Variants in RTRAF observed in about 807,000 individuals in gnomAD.
RTRAF encodes the protein RNA transcription, translation and transport factor, also known as tRNA-splicing ligase complex subunit RTRAF.
RTRAF carries 14 observed loss-of-function variants against 34.4 expected under a neutral mutation model. The observed-to-expected ratio is 0.41, with a 90% CI of 0.27 to 0.64. The LOEUF (loss-of-function observed/expected upper bound fraction) is 0.64. Ranked by LOEUF, RTRAF falls within the 30% of genes least tolerant of loss-of-function variation. RTRAF has a pLI of 0.34. For synonymous variants in RTRAF, 96 were observed against 95.3 expected (o/e 1.01, Z -0.04); for missense variants, 291 against 288.4 (o/e 1.01, Z -0.06).
At position 52,004,190 on chromosome 14, in the gene RTRAF, A is replaced by G; in HGVS notation, c.532-4A>G. On this transcript the variant is annotated splice_region_variant and splice_polypyrimidine_tract_variant and intron_variant, in intron 6 of 7. Coordinates refer to ENST00000261700, the MANE Select transcript of RTRAF (RefSeq NM_016039.3). ...ACTCTCATTTTGTCTTTCTTTTTTT[A>G]AAGGGCTTACCTGTTGCTTTAGACA... 1 of 1,608,500 alleles carries G rather than the reference A, an allele frequency of 6.2e-7. No homozygotes were observed. Among genetic ancestry groups the G allele is most frequent in the South Asian group, 1.1e-5 (1 of 89,964 alleles).
chr14:51,993,681 GTAA>G (rs763675664), intron 2 of RTRAF, 39 bp from the exon 3 acceptor site: 26 of 1,188,612 alleles, frequency 2.2e-5, no homozygotes, highest in Non-Finnish European at 2.8e-5. Context: ...TGACTTTATG[GTAA>G]TAATGAAACT....
At position 52,006,726 on chromosome 14, in the gene RTRAF, G is replaced by GAT. The variant is rs1890799758; in HGVS notation, c.*2212_*2213dup. Reference sequence around the variant, plus strand: ...TTGCCAAAAATGATAGTGACATAGTGATAGTGACACAGTGATAGAATGGGG... The same window carrying GAT: ...TTGCCAAAAATGATAGTGACATAGTGATATAGTGACACAGTGATAGAATGGGG... On this transcript the variant is annotated 3_prime_UTR_variant, in exon 8 of 8. Transcript: ENST00000261700. 1 of 1,545,856 alleles carries GAT rather than the reference G, an allele frequency of 6.5e-7. No individual in the cohort carries two copies. Among genetic ancestry groups the GAT allele is most frequent in the South Asian group, 1.1e-5 (1 of 88,356 alleles).
At chr14:51,997,674 T>G (rs1890541235) in intron 3 of RTRAF, among the ~76,000 whole-genome samples, 1 of 151,914 alleles carries the variant, frequency 6.6e-6, no homozygotes, top group East Asian at 1.9e-4. Flanking sequence ...ATTTCAAGTT[T>G]CCATGAAATA....
chr14:52,001,871 G>T lies in RTRAF; in HGVS notation c.531+5G>T, dbSNP rs762723183. ...AAGGCAAATCAAACAAAAGAGGTACGTTTCTATAAATCCTAAATAAGTTGT... is the reference window on the plus strand; with the variant it reads ...AAGGCAAATCAAACAAAAGAGGTACTTTTCTATAAATCCTAAATAAGTTGT... On this transcript the variant is annotated splice_donor_5th_base_variant and intron_variant, in intron 6 of 7. Transcript: ENST00000261700. The T allele has an allele frequency of 1.2e-6, 2 of 1,605,552 alleles. No homozygotes were observed. The highest frequency in any genetic ancestry group is 1.3e-5 in the African/African-American group (1 of 74,248).
intron 3 of RTRAF, 34 bp from the exon 4 acceptor site, chr14:51,998,460 G>A: frequency 7.6e-7 from 1 of 1,322,336 alleles, no homozygotes; most frequent in Non-Finnish European, 1.1e-6. Flanking sequence ...TTGAGTTGCA[G>A]TTGTACAAAT....
intron 3 of RTRAF, among the ~76,000 whole-genome samples, chr14:51,996,845 A>G (rs1259819820): frequency 1.3e-5 from 2 of 152,050 alleles, no homozygotes; most frequent in Non-Finnish European, 2.9e-5. Flanking sequence ...TGGATTATGC[A>G]CCGCATTAGT....
chr14:51,989,769 AC>A, intron 1 of RTRAF, 69 bp downstream of exon 1: 2 of 1,461,986 alleles, frequency 1.4e-6, no homozygotes, highest in African/African-American at 1.4e-5. Flanking sequence ...CAGTGCCCGC[AC>A]CCCACCTCCC....
In RTRAF at chr14:52,005,818, C is replaced by T. The variant is rs780000422; in HGVS notation, c.*1302C>T. ...GGGAGATACTCATCAGTAAACTGGC[C>T]ACTATGTTTATTTACTGATACAACA... On this transcript the variant is annotated 3_prime_UTR_variant, in exon 8 of 8. Coordinates refer to ENST00000261700, the MANE Select transcript of RTRAF (RefSeq NM_016039.3). 36 of 1,613,350 alleles carry T rather than the reference C, an allele frequency of 2.2e-5. No homozygotes were observed. Among genetic ancestry groups the T allele is most frequent in the Non-Finnish European group, 8.5e-7 (1 of 1,179,486 alleles).
chr14:51,992,540 T>C (rs1387151587), intron 2 of RTRAF, among the ~76,000 whole-genome samples: 1 of 152,238 alleles, frequency 6.6e-6, no homozygotes, highest in Non-Finnish European at 1.5e-5. Context: ...TGCCAATGCC[T>C]CTATACTACT....
intron 5 of RTRAF, 158 bp downstream of exon 5, chr14:51,999,954 T>G: frequency 1.8e-6 from 1 of 561,954 alleles, no homozygotes. Flanking sequence ...TTATCTGATT[T>G]GGATTCTGTT....
Position 52,008,413 on chromosome 14 carries a change from G to A in RTRAF, c.*3897G>A, listed in dbSNP as rs1890877848. 2.0e-5 allele frequency: 3 copies of A among 153,840 alleles called. No individual in the cohort carries two copies. Among genetic ancestry groups the A allele is most frequent in the Non-Finnish European group, 4.3e-5 (3 of 69,198 alleles). 9.5% of individuals were successfully genotyped at this position (153,840 alleles called of 1,614,324 possible). ...CCATTACCTGATTGCAGCCTTGTGA[G>A]AGACTCCATGCCTGAGGGAGCTCGG... On this transcript the variant is annotated 3_prime_UTR_variant, in exon 8 of 8. Transcript: ENST00000261700.
rs1890934409 is a variant in RTRAF, at chr14:52,009,742, TC to T, written c.*5229del. ...CGGGCGCAGTGGCTCATACCTATAA[TC>T]CCAGCACTTTGGGAGGCCAAGGCAG... On this transcript the variant is annotated 3_prime_UTR_variant, in exon 8 of 8. Transcript: ENST00000261700. 6.6e-6 allele frequency: 1 copy of T among 152,208 alleles called. No homozygotes were observed. The highest frequency in any genetic ancestry group is 2.1e-4 in the South Asian group (1 of 4,824). 9.4% of individuals were successfully genotyped at this position (152,208 alleles called of 1,614,324 possible). A position where few individuals can be genotyped will look rare whatever the true frequency, so the allele number is the denominator to read the frequency against.
rs1333615133 is a variant in RTRAF, at chr14:52,004,228, GT to G, written c.570del (p.Phe190LeufsTer20). ...GTTGCTTTAGACAAACATATTCTTG[GT>G]TTTGACACAGGAGGTAAGTGATTTT... is the stretch of plus-strand genomic sequence containing the variant. The part of the protein sequence containing the change: ...LPVALDKHIL[G>X]FDTGDAVLNE... On this transcript the variant is annotated frameshift_variant, in exon 7 of 8. Transcript: ENST00000261700. LOFTEE classifies it high-confidence loss of function. The G allele has an allele frequency of 6.2e-7, 1 of 1,613,276 alleles. No individual in the cohort carries two copies. The highest frequency in any genetic ancestry group is 8.5e-7 in the Non-Finnish European group (1 of 1,179,592).
At chr14:52,002,271 T>C (rs760737888) in intron 6 of RTRAF, among the ~76,000 whole-genome samples, 1 of 152,254 alleles carries the variant, frequency 6.6e-6, no homozygotes, top group Non-Finnish European at 1.5e-5. Context: ...CTTGCTCTTA[T>C]TTCTTCAGAG....
chr14:52,006,746 A>G lies in RTRAF; in HGVS notation c.*2230A>G, dbSNP rs1890800594. On this transcript the variant is annotated 3_prime_UTR_variant, in exon 8 of 8. Transcript: ENST00000261700. Reference sequence around the variant, plus strand: ...ATAGTGATAGTGACACAGTGATAGAATGGGGAAATAGGATATTTTACTTCC... The same window carrying G: ...ATAGTGATAGTGACACAGTGATAGAGTGGGGAAATAGGATATTTTACTTCC... 1.4e-6 allele frequency: 2 copies of G among 1,410,518 alleles called. No homozygotes were observed. The highest frequency in any genetic ancestry group is 2.0e-6 in the Non-Finnish European group (2 of 1,013,016). 87.4% of individuals were successfully genotyped at this position (1,410,518 alleles called of 1,614,324 possible).
chr14:51,995,571 T>C (rs2140328207), intron 3 of RTRAF, among the ~76,000 whole-genome samples: 1 of 152,238 alleles, frequency 6.6e-6, no homozygotes, highest in African/African-American at 2.4e-5. Flanking sequence ...ATGGACATCT[T>C]GGGGGGTACA....
In RTRAF at chr14:52,006,036, AT is replaced by A; in HGVS notation, c.*1521del. Reference sequence around the variant, plus strand: ...AAATCCATTGCTCATCTCTAGCTGCATGTTAGAATCACATGATGAGCTATCA... The same window carrying A: ...AAATCCATTGCTCATCTCTAGCTGCAGTTAGAATCACATGATGAGCTATCA... On this transcript the variant is annotated 3_prime_UTR_variant, in exon 8 of 8. Transcript: ENST00000261700. The A allele has an allele frequency of 3.5e-6, 2 of 575,686 alleles. No homozygotes were observed. Among genetic ancestry groups the A allele is most frequent in the East Asian group, 5.9e-5 (2 of 33,824 alleles). The allele number at this position is 575,686 out of a possible 1,614,324, so 35.7% of individuals were successfully genotyped here.
rs757854487 is a variant in RTRAF at position 52,004,558 on chromosome 14, G to A, written c.*42G>A. The A allele has an allele frequency of 1.3e-6, 2 of 1,564,888 alleles. No individual in the cohort carries two copies. The highest frequency in any genetic ancestry group is 1.9e-5 in the Admixed American group (1 of 52,694). On this transcript the variant is annotated 3_prime_UTR_variant, in exon 8 of 8. Transcript: ENST00000261700. ...GCTTCTCACCTACTTAGTACAGTTG[G>A]GAACCATACACTTCTGGCATGTTTG...
At chr14:51,998,926 C>T (rs1364431743) in intron 4 of RTRAF, among the ~76,000 whole-genome samples, 1 of 151,888 alleles carries the variant, frequency 6.6e-6, no homozygotes, top group Non-Finnish European at 1.5e-5. Flanking sequence ...ATTTTAAGTC[C>T]TGGATATCTT....
Sources: allele counts gnomAD v4.1 joint callset (sites outside exome capture counted in the v4.1 genomes callset), GRCh38; gene constraint gnomAD v4.1.1; transcripts MANE v1.5; gene names NCBI Gene and HGNC (gene_info 2026-07-23, HGNC 2026-07-21).